Variants in NCOA2 observed in about 807,000 individuals in gnomAD.
NCOA2 encodes the protein class E basic helix-loop-helix protein 75.
NCOA2 carries 21 observed loss-of-function variants against 145.1 expected under a neutral mutation model. That is an observed-to-expected ratio of 0.14 (90% confidence interval 0.10 to 0.21). NCOA2 has a LOEUF of 0.21. Ranked by LOEUF, NCOA2 falls within the 10% of genes least tolerant of loss-of-function variation. NCOA2 has a pLI of 1.00. For missense variants in NCOA2, 1,472 were observed against 1,837.6 expected, an observed-to-expected ratio of 0.80 and a Z score of 3.64; for synonymous variants, 619 against 637.5, an observed-to-expected ratio of 0.97 and a Z score of 0.44.
intron 4 of NCOA2, among the ~76,000 whole-genome samples, chr8:70,210,493 A>G (rs1818901324): frequency 6.6e-6 from 1 of 152,202 alleles, no homozygotes; most frequent in Non-Finnish European, 1.5e-5. Flanking sequence ...TACAAAGTCC[A>G]TTCCACAGTT....
the NCOA2 span, among the ~76,000 whole-genome samples, chr8:70,422,540 A>G: frequency 6.6e-6 from 1 of 151,892 alleles, no homozygotes; most frequent in Non-Finnish European, 1.5e-5. Context: ...CCTCCCAAGT[A>G]GCTAGGACTA....
chr8:70,156,410 A>G lies in NCOA2; in HGVS notation c.1955T>C (p.Met652Thr), dbSNP rs1432729383. ...AGAGCTGGCTAAGGGCGAGGGCTCC[A>G]TCTGATCAGATTTGGTGGTCAGCAG... ...LQLLTTKSDQ[M>T]EPSPLASSLS... The change falls in exon 11 of 23, where the codon ATG becomes ACG. Residue 652 changes from methionine to threonine, a missense_variant. Met to Thr is a moderately conservative substitution (Grantham distance 81). Around this residue, in one of 4 missense-constraint regions of NCOA2, gnomAD observed 953 missense variants for 1,062.1 expected, o/e 0.90. Transcript: ENST00000452400. The G allele has an allele frequency of 6.2e-7, 1 of 1,613,952 alleles. No homozygotes were observed. The highest frequency in any genetic ancestry group is 1.7e-5 in the Admixed American group (1 of 60,022).
At chr8:70,394,196 C>G (rs1030847665) in intron 1 of NCOA2, among the ~76,000 whole-genome samples, 7 of 152,212 alleles carry the variant, frequency 4.6e-5, no homozygotes, top group African/African-American at 1.4e-4. Flanking sequence ...ACTCTTGTTG[C>G]CCAGGCTGGA....
chr8:70,233,542 T>C (rs989422462), intron 2 of NCOA2, among the ~76,000 whole-genome samples: 2 of 152,218 alleles, frequency 1.3e-5, no homozygotes, highest in African/African-American at 4.8e-5. Context: ...TCTTCCCATA[T>C]TACCCCATTA....
chr8:70,306,234 G>C (rs1352494366), intron 1 of NCOA2, among the ~76,000 whole-genome samples: 1 of 152,054 alleles, frequency 6.6e-6, no homozygotes, highest in African/African-American at 2.4e-5. Context: ...GGAAATCTGG[G>C]GCTCAAAGAG....
At chr8:70,123,249 T>C (rs1054072933) in intron 21 of NCOA2, among the ~76,000 whole-genome samples, 2 of 152,254 alleles carry the variant, frequency 1.3e-5, no homozygotes, top group Non-Finnish European at 2.9e-5. Context: ...GGATTATCTG[T>C]GTCGGTCTCT....
At chr8:70,417,870 T>C in the NCOA2 span, among the ~76,000 whole-genome samples, 1 of 152,316 alleles carries the variant, frequency 6.6e-6, no homozygotes, top group South Asian at 2.1e-4. Context: ...TCAGAATAAA[T>C]CATTCCAGCA....
At chr8:70,193,935 C>G (rs1400091627) in intron 4 of NCOA2, among the ~76,000 whole-genome samples, 2 of 152,206 alleles carry the variant, frequency 1.3e-5, no homozygotes, top group African/African-American at 4.8e-5. Flanking sequence ...CAGCACCACG[C>G]TGATATTGGC....
chr8:70,209,307 T>C (rs1030365991), intron 4 of NCOA2, among the ~76,000 whole-genome samples: 1 of 152,152 alleles, frequency 6.6e-6, no homozygotes, highest in African/African-American at 2.4e-5. Flanking sequence ...ACAAAGAAAA[T>C]GGTTTCTTGA....
intron 5 of NCOA2, among the ~76,000 whole-genome samples, chr8:70,174,144 G>A (rs896879864): frequency 1.3e-5 from 2 of 152,052 alleles, no homozygotes; most frequent in Non-Finnish European, 2.9e-5. Flanking sequence ...CAAAGCACTT[G>A]GCGTTTAGTA....
intron 2 of NCOA2, among the ~76,000 whole-genome samples, chr8:70,266,963 A>C (rs1233888325): frequency 6.6e-6 from 1 of 152,234 alleles, no homozygotes; most frequent in Non-Finnish European, 1.5e-5. Flanking sequence ...AGGGTTCAAC[A>C]TTCTCTGGCT....
At chr8:70,267,149 C>G (rs1473843412) in intron 2 of NCOA2, among the ~76,000 whole-genome samples, 1 of 152,096 alleles carries the variant, frequency 6.6e-6, no homozygotes, top group Non-Finnish European at 1.5e-5. Flanking sequence ...CACTGTGCAC[C>G]ACCTCTGGCC....
chr8:70,247,528 T>C (rs1822731986), intron 2 of NCOA2, among the ~76,000 whole-genome samples: 2 of 152,216 alleles, frequency 1.3e-5, no homozygotes, highest in Non-Finnish European at 2.9e-5. Flanking sequence ...CTAAAATCAA[T>C]AATCAGCCAA....
chr8:70,202,639 T>G (rs1818011989), intron 4 of NCOA2, among the ~76,000 whole-genome samples: 2 of 152,174 alleles, frequency 1.3e-5, no homozygotes, highest in African/African-American at 4.8e-5. Flanking sequence ...GTATCCGAAG[T>G]AGTCAAACTA....
chr8:70,305,175 C>CA (rs1328838337), intron 1 of NCOA2, among the ~76,000 whole-genome samples: 12 of 151,558 alleles, frequency 7.9e-5, no homozygotes, highest in Non-Finnish European at 1.6e-4. Context: ...GCGTGACCCA[C>CA]CACCCCAGCC....
chr8:70,233,241 T>C (rs1350209293), intron 2 of NCOA2, among the ~76,000 whole-genome samples: 1 of 151,800 alleles, frequency 6.6e-6, no homozygotes, highest in Non-Finnish European at 1.5e-5. Flanking sequence ...AAAAAGATAA[T>C]ACGTGTCATA....
In NCOA2 at chr8:70,121,349, G is replaced by T; in HGVS notation, c.4336C>A (p.Gln1446Lys). ...ALRGGNLFPNQLPGMDMIKQE... is the reference protein window; with the variant it reads ...ALRGGNLFPNKLPGMDMIKQE... The stretch of plus-strand genomic sequence containing the variant: ...TTAATCATATCCATTCCAGGCAGCT[G>T]GTTTGGGAACAGGTTGCCTCCCCTC... The change falls in exon 22 of 23, where the codon CAG (glutamine) becomes AAG (lysine). Residue 1446 changes from glutamine to lysine, a missense_variant. Transcript: ENST00000452400. 6.2e-7 allele frequency: 1 copy of T among 1,613,170 alleles called. No individual in the cohort carries two copies. The highest frequency in any genetic ancestry group is 8.5e-7 in the Non-Finnish European group (1 of 1,179,548).
At chr8:70,417,703 T>C in the NCOA2 span, among the ~76,000 whole-genome samples, 1 of 152,212 alleles carries the variant, frequency 6.6e-6, no homozygotes, top group Non-Finnish European at 1.5e-5. Flanking sequence ...ATGAAAGATC[T>C]AAGTAAGCCA....
At chr8:70,194,312 A>T (rs1448000042) in intron 4 of NCOA2, among the ~76,000 whole-genome samples, 1 of 152,206 alleles carries the variant, frequency 6.6e-6, no homozygotes, top group South Asian at 2.1e-4. Context: ...GTATATAGCT[A>T]AGCACTCTTG....
Sources: gnomAD v4.1 joint callset for allele counts (sites outside exome capture counted in the v4.1 genomes callset) on GRCh38, gnomAD v4.1.1 for gene constraint, gnomAD v4.1.1 regional missense constraint, MANE v1.5 for transcripts, NCBI Gene and HGNC (gene_info 2026-07-23, HGNC 2026-07-21) for gene names.